PARD3: variants seen among roughly 807,000 people sequenced by gnomAD.
PARD3 encodes partitioning defective 3 homolog.
PARD3 carries 75 observed loss-of-function variants against 155.4 expected under a neutral mutation model. That is an observed-to-expected ratio of 0.48 (90% CI 0.40 to 0.58). The LOEUF is 0.58. Among genes scored for constraint, PARD3 ranks in the 20% least tolerant of loss-of-function variants. PARD3 has a pLI of 0.00. For missense variants in PARD3, 1,642 were observed against 1,721.7 expected, an observed-to-expected ratio of 0.95 and a Z score of 0.82; for synonymous variants, 576 against 610.5, an observed-to-expected ratio of 0.94 and a Z score of 0.83.
At chr10:34,536,908 C>T (rs540433906) in intron 2 of PARD3, among the ~76,000 whole-genome samples, 66 of 152,002 alleles carry the variant, frequency 4.3e-4, no homozygotes, top group Non-Finnish European at 8.7e-4. Context: ...GTGATGAGGC[C>T]CCTAGGTGGG....
intron 1 of PARD3, among the ~76,000 whole-genome samples, chr10:34,779,916 TTC>T (rs1840050837): frequency 6.6e-6 from 1 of 152,240 alleles, no homozygotes; most frequent in Admixed American, 6.5e-5. Flanking sequence ...TGGGTCTGTC[TTC>T]TCTGAGTCCC....
At chr10:34,450,731 T>C (rs2077012356) in intron 4 of PARD3, among the ~76,000 whole-genome samples, 1 of 152,018 alleles carries the variant, frequency 6.6e-6, no homozygotes, top group Non-Finnish European at 1.5e-5. Context: ...CCCAAATCAA[T>C]CACCTAAACC....
intron 1 of PARD3, among the ~76,000 whole-genome samples, chr10:34,747,908 T>C (rs1035472338): frequency 6.6e-6 from 1 of 152,194 alleles, no homozygotes; most frequent in Non-Finnish European, 1.5e-5. Context: ...AGTAAAAATC[T>C]TGTACTCACT....
chr10:34,116,098 C>G (rs1946657487), intron 24 of PARD3, among the ~76,000 whole-genome samples: 1 of 152,160 alleles, frequency 6.6e-6, no homozygotes, highest in South Asian at 2.1e-4. Flanking sequence ...GTGGGGCCAC[C>G]ACACAGGTCC....
At chr10:34,361,084 G>C (rs112328508) in intron 12 of PARD3, among the ~76,000 whole-genome samples, 18 of 152,340 alleles carry the variant, frequency 1.2e-4, no homozygotes, top group African/African-American at 3.1e-4. Context: ...CTACACTCCA[G>C]AAGAGGAAGC....
At chr10:34,731,041 G>A (rs1247473957) in intron 1 of PARD3, among the ~76,000 whole-genome samples, 1 of 151,978 alleles carries the variant, frequency 6.6e-6, no homozygotes, top group Non-Finnish European at 1.5e-5. Flanking sequence ...CTACGGGCAG[G>A]GTTTCCATAT....
intron 7 of PARD3, among the ~76,000 whole-genome samples, chr10:34,395,203 T>A (rs911445143): frequency 1.3e-5 from 2 of 152,024 alleles, no homozygotes; most frequent in African/African-American, 4.8e-5. Context: ...CCCAGCTAAT[T>A]TTTGTATTTT....
intron 18 of PARD3, among the ~76,000 whole-genome samples, 200 bp from the exon 19 acceptor site, chr10:34,331,544 A>G (rs1835615406): frequency 6.6e-6 from 1 of 152,158 alleles, no homozygotes; most frequent in Non-Finnish European, 1.5e-5. Flanking sequence ...GATTTGGTCT[A>G]TTTTCTCTCT....
intron 1 of PARD3, among the ~76,000 whole-genome samples, chr10:34,795,909 A>C (rs141212122): frequency 1.1e-3 from 171 of 152,252 alleles, no homozygotes; most frequent in African/African-American, 4.0e-3. Context: ...ATAACATAAC[A>C]TAACATAACA....
intron 22 of PARD3, among the ~76,000 whole-genome samples, chr10:34,174,315 C>T (rs1949940151): frequency 6.6e-6 from 1 of 152,052 alleles, no homozygotes. Context: ...AGTGTTTTTC[C>T]CTTACTTTTT....
chr10:34,555,919 T>G (rs955184904), intron 2 of PARD3, among the ~76,000 whole-genome samples: 1 of 152,186 alleles, frequency 6.6e-6, no homozygotes, highest in Non-Finnish European at 1.5e-5. Context: ...GTTGGACCCT[T>G]TGATCTAAGT....
chr10:34,395,153 G>A (rs1473551408), intron 7 of PARD3, among the ~76,000 whole-genome samples: 3 of 152,060 alleles, frequency 2.0e-5, no homozygotes, highest in Non-Finnish European at 2.9e-5. Flanking sequence ...TTGTGCCTCC[G>A]CCTCCCATGT....
chr10:34,697,837 T>G (rs1407378423), intron 1 of PARD3, among the ~76,000 whole-genome samples: 3 of 151,448 alleles, frequency 2.0e-5, no homozygotes, highest in Non-Finnish European at 4.4e-5. Context: ...TGACTGCACA[T>G]GAATCCCAAT....
intron 24 of PARD3, among the ~76,000 whole-genome samples, chr10:34,115,551 T>A (rs1041776285): frequency 1.1e-4 from 16 of 152,162 alleles, no homozygotes; most frequent in African/African-American, 3.6e-4. Flanking sequence ...CAGAGTATTG[T>A]ACATTTCACA....
intron 22 of PARD3, among the ~76,000 whole-genome samples, chr10:34,165,675 C>T (rs1282029265): frequency 2.0e-5 from 3 of 152,226 alleles, no homozygotes; most frequent in African/African-American, 7.2e-5. Context: ...TTTTGGTCTT[C>T]ACATTTCTTG....
chr10:34,279,955 G>A (rs1047554253), intron 21 of PARD3, among the ~76,000 whole-genome samples: 1 of 152,152 alleles, frequency 6.6e-6, no homozygotes, highest in Non-Finnish European at 1.5e-5. Flanking sequence ...GAAGCATTCA[G>A]TATCCCTGGA....
chr10:34,374,778 A>G, intron 11 of PARD3, 96 bp downstream of exon 11: 1 of 1,167,824 alleles, frequency 8.6e-7, no homozygotes, highest in Non-Finnish European at 1.2e-6. Context: ...GAAACTCCTC[A>G]GAAAATGTCT....
At chr10:34,234,296 T>G (rs1331320389) in intron 22 of PARD3, among the ~76,000 whole-genome samples, 1 of 151,352 alleles carries the variant, frequency 6.6e-6, no homozygotes, top group Non-Finnish European at 1.5e-5. Context: ...GCCATTGGGA[T>G]GTTTCAAAAT....
intron 3 of PARD3, among the ~76,000 whole-genome samples, chr10:34,472,815 A>G (rs779563212): frequency 2.6e-5 from 4 of 152,234 alleles, no homozygotes; most frequent in Non-Finnish European, 4.4e-5. Flanking sequence ...CTTGGACACA[A>G]TAAAACTGCT....
Sources: gnomAD v4.1 joint callset for allele counts (sites outside exome capture counted in the v4.1 genomes callset) on GRCh38, gnomAD v4.1.1 for gene constraint, MANE v1.5 for transcripts, NCBI Gene and HGNC (gene_info 2026-07-23, HGNC 2026-07-21) for gene names.